MSANTD7: variants seen among roughly 807,000 people sequenced by gnomAD.
The protein encoded by MSANTD7 is Myb/SANT DNA binding domain containing 7.
the MSANTD7 span, chr10:14,846,503 T>A: frequency 6.2e-6 from 6 of 971,000 alleles, no homozygotes; most frequent in African/African-American, 7.1e-5. Context: ...GGGAGGGAAA[T>A]TGGAATACAG....
chr10:14,846,875 A>G, the MSANTD7 span: 1 of 985,410 alleles, frequency 1.0e-6, no homozygotes, highest in African/African-American at 1.7e-5. Flanking sequence ...ATACACAACC[A>G]TAGGATTAAC....
chr10:14,844,063 A>T, the MSANTD7 span: 1 of 1,432,458 alleles, frequency 7.0e-7, no homozygotes, highest in African/African-American at 1.4e-5. Context: ...AAGATTCTCC[A>T]CCAAATGGAA....
the MSANTD7 span, chr10:14,845,120 A>G: frequency 1.0e-6 from 1 of 985,412 alleles, no homozygotes; most frequent in Non-Finnish European, 1.2e-6. Context: ...AGCCTCCTCC[A>G]CACCCCAGAC....
At chr10:14,838,516 C>T in the MSANTD7 span, 3 of 1,499,424 alleles carry the variant, frequency 2.0e-6, no homozygotes, top group Non-Finnish European at 2.7e-6. Flanking sequence ...TTTTCTGGCG[C>T]TGGGTCATCC....
At chr10:14,838,797 C>A in the MSANTD7 span, among the ~76,000 whole-genome samples, 1 of 151,840 alleles carries the variant, frequency 6.6e-6, no homozygotes. Context: ...CTGGGTGTCC[C>A]GGGGGGTCCC....
At chr10:14,844,847 C>T in the MSANTD7 span, 12 of 985,208 alleles carry the variant, frequency 1.2e-5, no homozygotes, top group Admixed American at 6.2e-5. Flanking sequence ...GTTTCCCATC[C>T]GCTTTTTAGC....
At chr10:14,842,085 A>G in the MSANTD7 span, 2 of 1,422,812 alleles carry the variant, frequency 1.4e-6, no homozygotes, top group Non-Finnish European at 1.9e-6. This position sits in a 1 kb window ranked among gnomAD's most constrained non-coding sequence, Gnocchi z 5.2. Context: ...TGCTGCCAAA[A>G]TTATCCTTAC....
the MSANTD7 span, chr10:14,842,173 T>A: frequency 2.6e-6 from 4 of 1,534,998 alleles, no homozygotes; most frequent in Non-Finnish European, 3.5e-6. This position sits in a 1 kb window ranked among gnomAD's most constrained non-coding sequence, Gnocchi z 5.2. Context: ...TCAGCAATTA[T>A]CCCTGAGAGG....
the MSANTD7 span, chr10:14,840,213 T>C: frequency 8.9e-6 from 8 of 896,194 alleles, no homozygotes; most frequent in African/African-American, 1.4e-4. Flanking sequence ...TCATAAATTC[T>C]AAGCATAATG....
chr10:14,846,808 T>TAAGGGATATTCA, the MSANTD7 span: 10 of 985,316 alleles, frequency 1.0e-5, no homozygotes, highest in Non-Finnish European at 1.2e-5. Flanking sequence ...CTGTTGACCG[T>TAAGGGATATTCA]AAGGGATATT....
the MSANTD7 span, chr10:14,842,601 C>T: frequency 6.5e-7 from 1 of 1,536,174 alleles, no homozygotes; most frequent in Non-Finnish European, 8.7e-7. The surrounding 1 kb of genome is among the most constrained non-coding windows in gnomAD (Gnocchi z 5.2). Flanking sequence ...CAGATAGTGA[C>T]TGACCCAGAC....
chr10:14,842,798 C>A, the MSANTD7 span: 1 of 1,536,258 alleles, frequency 6.5e-7, no homozygotes. The surrounding 1 kb of genome is among the most constrained non-coding windows in gnomAD (Gnocchi z 5.2). Context: ...TGACCGGATA[C>A]GAGAAACCAG....
the MSANTD7 span, chr10:14,843,926 C>G: frequency 6.5e-7 from 1 of 1,533,968 alleles, no homozygotes; most frequent in Non-Finnish European, 8.7e-7. Flanking sequence ...GCTTCCTAAA[C>G]TGGTAGAAGT....
chr10:14,840,133 A>G, the MSANTD7 span: 1 of 1,472,486 alleles, frequency 6.8e-7, no homozygotes, highest in South Asian at 1.6e-5. Context: ...ACAGTAATGA[A>G]AGTAAAGCAG....
chr10:14,841,182 G>A, the MSANTD7 span: 17 of 152,238 alleles, frequency 1.1e-4, no homozygotes, highest in Non-Finnish European at 1.8e-4. Context: ...TATGCACTAA[G>A]CCAAAAACTA....
At chr10:14,841,323 T>C in the MSANTD7 span, 5 of 152,170 alleles carry the variant, frequency 3.3e-5, no homozygotes, top group Non-Finnish European at 7.3e-5. Flanking sequence ...TCATAAAGTC[T>C]AGAAAAAAGA....
the MSANTD7 span, chr10:14,843,765 C>T: frequency 6.5e-7 from 1 of 1,536,368 alleles, no homozygotes; most frequent in Non-Finnish European, 8.7e-7. Flanking sequence ...AAGATACTGC[C>T]AATGAGCTCC....
chr10:14,844,906 C>G, the MSANTD7 span: 1 of 985,396 alleles, frequency 1.0e-6, no homozygotes, highest in Non-Finnish European at 1.2e-6. Flanking sequence ...TTATACAGGG[C>G]AAGCCCTAGA....
chr10:14,842,207 A>AGC, the MSANTD7 span: 17 of 1,535,330 alleles, frequency 1.1e-5, no homozygotes, highest in Admixed American at 2.4e-4. This position sits in a 1 kb window ranked among gnomAD's most constrained non-coding sequence, Gnocchi z 5.2. Flanking sequence ...ATATCCTGAG[A>AGC]GCACACAGAG....
Sources: gnomAD v4.1 joint callset for allele counts (sites outside exome capture counted in the v4.1 genomes callset) on GRCh38, gnomAD v4.1.1 for gene constraint, Gnocchi (gnomAD v3.1) non-coding constraint, MANE v1.5 for transcripts, NCBI Gene and HGNC (gene_info 2026-07-23, HGNC 2026-07-21) for gene names.